The following LTA4H variants were observed in gnomAD, a reference collection of about 807,000 sequenced individuals.
LTA4H encodes leukotriene A-4 hydrolase.
A neutral mutation model predicts 89.8 loss-of-function variants in LTA4H; 59 were observed. The ratio of observed to expected loss-of-function variants is 0.66; its 90% CI spans 0.53 to 0.82. The LOEUF (loss-of-function observed/expected upper bound fraction) is 0.82. Ranked by LOEUF, LTA4H falls within the 40% of genes least tolerant of loss-of-function variation. The pLI is 0.00. For missense variants in LTA4H, 617 were observed against 727.0 expected (o/e 0.85, Z 1.74); for synonymous variants, 227 against 253.1 (o/e 0.90, Z 0.98).
intron 3 of LTA4H, 92 bp from the exon 4 acceptor site, chr12:96,024,639 T>C (rs1162696338): frequency 1.3e-6 from 1 of 795,672 alleles, no homozygotes; most frequent in Non-Finnish European, 2.1e-6. Flanking sequence ...TTCTTAGACA[T>C]TAAAATAAAA....
chr12:96,005,731 C>G (rs1167399121), intron 16 of LTA4H, among the ~76,000 whole-genome samples: 2 of 151,502 alleles, frequency 1.3e-5, no homozygotes, highest in Admixed American at 1.3e-4. Flanking sequence ...AGTATGCCTC[C>G]TTTTATTGCT....
chr12:96,035,294 GC>G, intron 1 of LTA4H, 66 bp downstream of exon 1: 2 of 1,488,172 alleles, frequency 1.3e-6, no homozygotes, highest in South Asian at 2.6e-5. Context: ...CCGGGAGCCC[GC>G]AAGGACTAGG....
intron 1 of LTA4H, among the ~76,000 whole-genome samples, chr12:96,031,643 A>T (rs1443300100): frequency 6.6e-6 from 1 of 152,198 alleles, no homozygotes; most frequent in African/African-American, 2.4e-5. Context: ...TGGTCAGTTG[A>T]CATGGAATAG....
At chr12:96,024,418 C>A (rs1239047024) in intron 4 of LTA4H, 61 bp downstream of exon 4, 13 of 970,766 alleles carry the variant, frequency 1.3e-5, no homozygotes, top group Non-Finnish European at 2.0e-5. Flanking sequence ...CTCTGCTTAT[C>A]ATTTATACCA....
At chr12:96,016,395 G>C (rs1950375967) in intron 10 of LTA4H, among the ~76,000 whole-genome samples, 1 of 151,548 alleles carries the variant, frequency 6.6e-6, no homozygotes, top group South Asian at 2.1e-4. Context: ...CGGATCACTT[G>C]AGCTCAGGAG....
intron 18 of LTA4H, among the ~76,000 whole-genome samples, chr12:96,001,977 C>A (rs1950112062): frequency 6.6e-6 from 1 of 152,074 alleles, no homozygotes; most frequent in Admixed American, 6.6e-5. Flanking sequence ...CCTGCCTCAG[C>A]CTCCCAAGTA....
intron 14 of LTA4H, chr12:96,011,170 C>A (rs1266858354): frequency 6.6e-6 from 1 of 152,206 alleles, no homozygotes; most frequent in Non-Finnish European, 1.5e-5. Flanking sequence ...TAATTTTCCA[C>A]CCAGATTTCC....
In LTA4H at chr12:96,019,585, A is replaced by ATTT. The variant is rs755971682; in HGVS notation, c.639-348_639-346dup. Among the ~76,000 whole-genome samples the ATTT allele has an allele frequency of 4.8e-3, 478 of 99,358 alleles. 1 individual carries two copies. The highest frequency in any genetic ancestry group is 8.1e-3 in the African/African-American group (182 of 22,542). The allele number at this position is 99,358 out of a possible 152,430, so 65.2% of individuals were successfully genotyped here. A position where few individuals can be genotyped will look rare whatever the true frequency, so the allele number is the denominator to read the frequency against. Reference sequence around the variant, plus strand: ...ACCCAGTCACAACTCATAAGAAACTATTTTTTTTTTTTTTTTTTTTTTTTG... The same window carrying ATTT: ...ACCCAGTCACAACTCATAAGAAACTATTTTTTTTTTTTTTTTTTTTTTTTTTTG... On this transcript the variant is annotated intron_variant, in intron 6 of 18. Transcript: ENST00000228740.
At chr12:96,015,458 T>C in intron 11 of LTA4H, 125 bp downstream of exon 11, 1 of 678,542 alleles carries the variant, frequency 1.5e-6, no homozygotes, top group Non-Finnish European at 2.6e-6. Context: ...CAGCATTGAC[T>C]TCACTTTCCA....
At chr12:96,004,759 C>A (rs901154913) in intron 16 of LTA4H, among the ~76,000 whole-genome samples, 1 of 152,104 alleles carries the variant, frequency 6.6e-6, no homozygotes, top group African/African-American at 2.4e-5. Flanking sequence ...TCCATTAGCC[C>A]CTTATGGACA....
intron 17 of LTA4H, 92 bp downstream of exon 17, chr12:96,003,746 A>G (rs1950147903): frequency 4.0e-6 from 3 of 742,898 alleles, no homozygotes; most frequent in African/African-American, 1.8e-5. Flanking sequence ...TCAAGACTCA[A>G]GTATGTCTCA....
chr12:96,030,132 G>A (rs1950556836), intron 1 of LTA4H, among the ~76,000 whole-genome samples: 1 of 152,128 alleles, frequency 6.6e-6, no homozygotes, highest in Non-Finnish European at 1.5e-5. Context: ...CAGCCCTTAT[G>A]GACTATGTCA....
In LTA4H at chr12:96,022,229, A is replaced by G; in HGVS notation, c.503T>C (p.Val168Ala). The G allele has an allele frequency of 6.2e-7, 1 of 1,613,142 alleles. No individual in the cohort carries two copies. Among genetic ancestry groups the G allele is most frequent in the South Asian group, 1.1e-5 (1 of 91,040 alleles). The change falls in exon 5 of 19, where the codon GTG becomes GCG. Residue 168 changes from valine to alanine, a missense_variant. Val to Ala is a moderately conservative substitution (Grantham distance 64, BLOSUM62 0). Coordinates refer to ENST00000228740, the MANE Select transcript of LTA4H (RefSeq NM_000895.3). The surrounding 1 kb of genome is among the most constrained non-coding windows in gnomAD (Gnocchi z 4.0). ...TAEVSVPKEL[V>A]ALMSAIRDGE... ...ATCACGAATAGCACTCATAAGTGCC[A>G]CCAGTTCTTTAGGGACAGACACCTA...
At chr12:96,012,880 A>G in intron 14 of LTA4H, 1 of 265,656 alleles carries the variant, frequency 3.8e-6, no homozygotes, top group Non-Finnish European at 7.3e-6. Context: ...ACAGTGTTGT[A>G]ATTAACATAA....
intron 11 of LTA4H, chr12:96,015,249 A>G (rs1275296707): frequency 4.2e-6 from 2 of 480,302 alleles, no homozygotes; most frequent in East Asian, 6.4e-5. Flanking sequence ...GACTAGAAAA[A>G]TGATTTAATG....
intron 5 of LTA4H, 36 bp from the exon 6 acceptor site, chr12:96,021,173 C>T (rs758124210): frequency 1.3e-6 from 2 of 1,498,272 alleles, no homozygotes; most frequent in Non-Finnish European, 1.8e-6. Context: ...CACGTGCTTG[C>T]ATTAGTGTTC....
rs1950416286 is a variant in LTA4H, at chr12:96,018,827, G to A, written c.788C>T (p.Pro263Leu). ...CATGCCACCATAAGGGAAGGATGGTGGCAGGACCAATAGGTCATACTGTCC... is the reference window on the plus strand; with the variant it reads ...CATGCCACCATAAGGGAAGGATGGTAGCAGGACCAATAGGTCATACTGTCC... ...VWGQYDLLVLPPSFPYGGMEN... is the reference protein window; with the variant it reads ...VWGQYDLLVLLPSFPYGGMEN... Residue 263 changes from proline to leucine, a missense_variant, in exon 8 of 19, where the codon CCA (proline) becomes CTA (leucine). By Grantham distance (98) the Pro-to-Leu change is moderately conservative. Around this residue, in one of 3 missense-constraint regions of LTA4H, gnomAD observed 172 missense variants for 244.5 expected, o/e 0.70. Coordinates refer to ENST00000228740, the MANE Select transcript of LTA4H (RefSeq NM_000895.3). 1 of 1,606,106 alleles carries A rather than the reference G, an allele frequency of 6.2e-7. No individual in the cohort carries two copies. Among genetic ancestry groups the A allele is most frequent in the African/African-American group, 1.3e-5 (1 of 74,628 alleles).
intron 16 of LTA4H, 80 bp from the exon 17 acceptor site, chr12:96,004,000 C>A (rs1950153098): frequency 4.5e-6 from 3 of 673,206 alleles, no homozygotes; most frequent in African/African-American, 1.9e-5. Flanking sequence ...AAATGCATAG[C>A]CAGATTAAAA....
chr12:96,034,179 G>T (rs1379093930), intron 1 of LTA4H, among the ~76,000 whole-genome samples: 3 of 152,162 alleles, frequency 2.0e-5, no homozygotes, highest in Admixed American at 6.5e-5. Flanking sequence ...ATTGCTTATT[G>T]ATGTGCTTTA....
Sources: allele counts gnomAD v4.1 joint callset (sites outside exome capture counted in the v4.1 genomes callset), GRCh38; gene constraint gnomAD v4.1.1; regional missense constraint gnomAD v4.1.1; non-coding constraint Gnocchi (gnomAD v3.1); transcripts MANE v1.5; gene names NCBI Gene and HGNC (gene_info 2026-07-23, HGNC 2026-07-21).